The following ZDHHC22 variants were observed in gnomAD, a reference collection of about 807,000 sequenced individuals.
ZDHHC22 encodes palmitoyltransferase ZDHHC22.
A neutral mutation model predicts 17.0 loss-of-function variants in ZDHHC22; 13 were observed. The observed-to-expected ratio is 0.76, with a 90% confidence interval of 0.50 to 1.21. The LOEUF is 1.21. Among genes scored for constraint, ZDHHC22 ranks in the 50% most tolerant of loss-of-function variants. The probability of loss-of-function intolerance (pLI) is 0.00; values close to 1 mark genes in which losing one functional copy is unlikely to be tolerated. For synonymous variants in ZDHHC22, 138 were observed against 154.7 expected (o/e 0.89, Z 0.80); for missense variants, 319 against 342.3 (o/e 0.93, Z 0.54).
intron 2 of ZDHHC22, among the ~76,000 whole-genome samples, chr14:77,137,680 C>A (rs184933875): frequency 1.3e-5 from 2 of 152,126 alleles, no homozygotes; most frequent in African/African-American, 2.4e-5. Context: ...GTAGCTGGGT[C>A]CCCCCTGTAT....
intron 2 of ZDHHC22, among the ~76,000 whole-genome samples, chr14:77,134,954 G>A (rs1887106737): frequency 6.6e-6 from 1 of 152,174 alleles, no homozygotes; most frequent in Non-Finnish European, 1.5e-5. Flanking sequence ...TCCCAGCAGA[G>A]GGTCATTTTA....
chr14:77,139,869 CCT>C, intron 1 of ZDHHC22, 117 bp from the exon 2 acceptor site: 3 of 1,116,066 alleles, frequency 2.7e-6, no homozygotes, highest in Non-Finnish European at 3.7e-6. Context: ...CCCCCAACCC[CCT>C]GTCCCGCGGA....
chr14:77,133,677 T>C lies in ZDHHC22; in HGVS notation c.*6A>G, dbSNP rs756765997. 5.6e-6 allele frequency: 9 copies of C among 1,607,244 alleles called. No individual in the cohort carries two copies. Among genetic ancestry groups the C allele is most frequent in the Admixed American group, 1.7e-5 (1 of 59,288 alleles). On this transcript the variant is annotated 3_prime_UTR_variant, in exon 3 of 3. Transcript: ENST00000319374. Reference sequence around the variant, plus strand: ...GAGACAGAGAGATAAATGACGGGAGTGTCTACTACTTATCCTGCTGCTTGG... The same window carrying C: ...GAGACAGAGAGATAAATGACGGGAGCGTCTACTACTTATCCTGCTGCTTGG...
intron 2 of ZDHHC22, among the ~76,000 whole-genome samples, chr14:77,136,369 T>C (rs1887136966): frequency 1.3e-5 from 2 of 152,198 alleles, no homozygotes; most frequent in South Asian, 4.1e-4. Context: ...AAATGTGACA[T>C]GCATAGTGGG....
chr14:77,136,393 G>A (rs185605000), intron 2 of ZDHHC22, among the ~76,000 whole-genome samples: 2 of 152,124 alleles, frequency 1.3e-5, no homozygotes, highest in African/African-American at 2.4e-5. Flanking sequence ...TACATAATAG[G>A]TGCTCAATGA....
intron 2 of ZDHHC22, among the ~76,000 whole-genome samples, chr14:77,137,126 A>G (rs1566811894): frequency 6.6e-6 from 1 of 152,168 alleles, no homozygotes; most frequent in Non-Finnish European, 1.5e-5. Context: ...GGAATGGGAA[A>G]GGGAAAGCCA....
chr14:77,139,957 C>T (rs1221424481), intron 1 of ZDHHC22, among the ~76,000 whole-genome samples: 3 of 152,180 alleles, frequency 2.0e-5, no homozygotes, highest in African/African-American at 4.8e-5. Context: ...GGGTCTAGGC[C>T]CCACCTGGGG....
intron 1 of ZDHHC22, 99 bp from the exon 2 acceptor site, chr14:77,139,851 A>C (rs902262634): frequency 2.5e-6 from 3 of 1,213,292 alleles, no homozygotes; most frequent in Admixed American, 3.0e-5. Flanking sequence ...ACTGCACGCG[A>C]CTCCACGCCC....
chr14:77,134,403 T>A (rs963473), intron 2 of ZDHHC22, among the ~76,000 whole-genome samples: 142,364 of 152,232 alleles, frequency 0.94, 66,944 homozygotes, highest in Non-Finnish European at 0.99. Flanking sequence ...AGCTGTCTAG[T>A]CCACAGCACC....
chr14:77,135,190 T>TGG (rs11350828), intron 2 of ZDHHC22, among the ~76,000 whole-genome samples: 6,389 of 143,688 alleles, frequency 0.044, 386 homozygotes, highest in African/African-American at 0.097. Context: ...CCTCCTCTGG[T>TGG]GGGGGGGGGG....
chr14:77,141,161 C>T (rs1305464712), intron 1 of ZDHHC22: 1 of 152,194 alleles, frequency 6.6e-6, no homozygotes, highest in Non-Finnish European at 1.5e-5. Context: ...CGCCCCCAGT[C>T]CTGCGCCGCC....
At chr14:77,134,002 G>A (rs940338886) in intron 2 of ZDHHC22, 54 bp from the exon 3 acceptor site, 6 of 1,490,800 alleles carry the variant, frequency 4.0e-6, no homozygotes, top group Non-Finnish European at 5.4e-6. Flanking sequence ...CAGGCCACCG[G>A]CATAACTGCG....
chr14:77,133,452 G>T lies in ZDHHC22; in HGVS notation c.*231C>A. 1.8e-6 allele frequency: 1 copy of T among 548,198 alleles called. No homozygotes were observed. Among genetic ancestry groups the T allele is most frequent in the Non-Finnish European group, 3.1e-6 (1 of 324,246 alleles). 34.0% of individuals were successfully genotyped at this position (548,198 alleles called of 1,614,324 possible). Reference sequence around the variant, plus strand: ...GAAAGCAGAGGCAGCCTAACAGCTAGCAGCCACCTGGCTGGCTCGTGAGGA... The same window carrying T: ...GAAAGCAGAGGCAGCCTAACAGCTATCAGCCACCTGGCTGGCTCGTGAGGA... On this transcript the variant is annotated 3_prime_UTR_variant, in exon 3 of 3. Transcript: ENST00000319374.
Position 77,131,766 on chromosome 14 carries a change from G to T in ZDHHC22, c.*1917C>A, listed in dbSNP as rs977188377. ...AGTGCACAGACGGCAGTGACAAGGT[G>T]CCCCTGATGGCATGAATCTTGTCAT... On this transcript the variant is annotated 3_prime_UTR_variant, in exon 3 of 3. Transcript: ENST00000319374. 6.6e-6 allele frequency: 1 copy of T among 152,218 alleles called. No individual in the cohort carries two copies. Among genetic ancestry groups the T allele is most frequent in the African/African-American group, 2.4e-5 (1 of 41,440 alleles). The allele number at this position is 152,218 out of a possible 1,614,324, so 9.4% of individuals were successfully genotyped here.
At position 77,133,701 on chromosome 14, in the gene ZDHHC22, G is replaced by A. The variant is rs1480604808; in HGVS notation, c.774C>T (p.Ser258=). The change falls in exon 3 of 3, where the codon TCC becomes TCT. Residue 258 remains serine (S), a synonymous_variant. Transcript: ENST00000319374. ...GTGTCTACTACTTATCCTGCTGCTT[G>A]GAGCTCTCACTTCCGACATTGAACA... is the stretch of plus-strand genomic sequence containing the variant. ...VPMFNVGSES[S]KQQDK is the part of the protein sequence containing the mutation. 6.2e-7 allele frequency: 1 copy of A among 1,613,750 alleles called. No individual in the cohort carries two copies. The highest frequency in any genetic ancestry group is 1.3e-5 in the African/African-American group (1 of 75,046).
rs1887031071 is a variant in ZDHHC22 at position 77,131,787 on chromosome 14, G to A, written c.*1896C>T. 1 of 152,220 alleles carries A rather than the reference G, an allele frequency of 6.6e-6. No individual in the cohort carries two copies. Among genetic ancestry groups the A allele is most frequent in the African/African-American group, 2.4e-5 (1 of 41,420 alleles). 9.4% of individuals were successfully genotyped at this position (152,220 alleles called of 1,614,324 possible). ...AGGTGCCCCTGATGGCATGAATCTT[G>A]TCATCCTGTTCATCACTGCATTGCC... is the stretch of plus-strand genomic sequence containing the variant. On this transcript the variant is annotated 3_prime_UTR_variant, in exon 3 of 3. Transcript: ENST00000319374.
chr14:77,139,090 G>T, intron 2 of ZDHHC22, 123 bp downstream of exon 2: 1 of 1,065,260 alleles, frequency 9.4e-7, no homozygotes, highest in South Asian at 1.7e-5. Flanking sequence ...TTAATTTAGC[G>T]GGACGGTCTG....
At chr14:77,138,998 A>G (rs1326233964) in intron 2 of ZDHHC22, among the ~76,000 whole-genome samples, 1 of 152,266 alleles carries the variant, frequency 6.6e-6, no homozygotes, top group Admixed American at 6.5e-5. Context: ...TCAGATAGCC[A>G]ATAGCAAATT....
chr14:77,134,436 G>C (rs1250636576), intron 2 of ZDHHC22, among the ~76,000 whole-genome samples: 1 of 152,206 alleles, frequency 6.6e-6, no homozygotes, highest in Non-Finnish European at 1.5e-5. Flanking sequence ...TTCTGGGAAC[G>C]CTGGTTGAGA....
Sources: allele counts gnomAD v4.1 joint callset (sites outside exome capture counted in the v4.1 genomes callset), GRCh38; gene constraint gnomAD v4.1.1; transcripts MANE v1.5; gene names NCBI Gene and HGNC (gene_info 2026-07-23, HGNC 2026-07-21).